Variants in ARL15 observed in about 807,000 individuals in gnomAD.
ARL15 encodes ADP-ribosylation factor-like protein 15.
In ARL15, 19 loss-of-function variants were observed where a neutral mutation model predicts 25.2. The observed-to-expected ratio is 0.75, with a 90% confidence interval of 0.53 to 1.10. ARL15 has a LOEUF of 1.10. Among genes scored for constraint, ARL15 ranks in the 50% least tolerant of loss-of-function variants. ARL15 has a pLI of 0.00. For synonymous variants in ARL15, 94 were observed against 86.8 expected (o/e 1.08, Z -0.46); for missense variants, 220 against 246.0 (o/e 0.89, Z 0.71).
intron 4 of ARL15, among the ~76,000 whole-genome samples, chr5:53,913,493 T>C (rs1203959497): frequency 1.3e-5 from 2 of 152,242 alleles, no homozygotes; most frequent in Non-Finnish European, 2.9e-5. Context: ...TTAACTGGAC[T>C]GAAGCCGAAA....
chr5:54,056,989 C>T (rs541856044), intron 4 of ARL15, among the ~76,000 whole-genome samples: 3 of 150,400 alleles, frequency 2.0e-5, no homozygotes, highest in African/African-American at 4.9e-5. Flanking sequence ...CATACACATA[C>T]GAACATAGAA....
chr5:54,199,594 A>G (rs1417836904), intron 1 of ARL15, among the ~76,000 whole-genome samples: 2 of 151,666 alleles, frequency 1.3e-5, no homozygotes, highest in East Asian at 3.9e-4. Context: ...CCACAATGAG[A>G]TATCATCTCA....
chr5:54,251,038 C>T (rs1757223335), intron 1 of ARL15, among the ~76,000 whole-genome samples: 1 of 152,122 alleles, frequency 6.6e-6, no homozygotes, highest in Non-Finnish European at 1.5e-5. Context: ...ATTGAATCAG[C>T]CTATCTTCCT....
At chr5:53,954,145 C>T (rs978723603) in intron 4 of ARL15, among the ~76,000 whole-genome samples, 1 of 151,086 alleles carries the variant, frequency 6.6e-6, no homozygotes, top group Admixed American at 6.6e-5. Context: ...TTCTTGCATT[C>T]CTCTAAGTGG....
At chr5:54,022,262 C>T (rs969157307) in intron 4 of ARL15, among the ~76,000 whole-genome samples, 2 of 151,956 alleles carry the variant, frequency 1.3e-5, no homozygotes, top group Non-Finnish European at 1.5e-5. Context: ...AAACAATGTC[C>T]CAAAGTATGG....
intron 4 of ARL15, among the ~76,000 whole-genome samples, chr5:54,021,452 T>G (rs1274797163): frequency 2.0e-5 from 3 of 152,172 alleles, no homozygotes; most frequent in Non-Finnish European, 4.4e-5. Flanking sequence ...ATATAAACTT[T>G]AGAACTAAAC....
At chr5:54,282,565 A>C in intron 1 of ARL15, 1 of 984,916 alleles carries the variant, frequency 1.0e-6, no homozygotes. Flanking sequence ...TTGTCCTCTA[A>C]TACAAGAGCA....
At chr5:54,055,913 G>A (rs921454870) in intron 4 of ARL15, among the ~76,000 whole-genome samples, 1 of 152,066 alleles carries the variant, frequency 6.6e-6, no homozygotes, top group African/African-American at 2.4e-5. Context: ...CTCCCCAGAC[G>A]CGGGGACAAA....
At chr5:54,015,099 C>T (rs1749375990) in intron 4 of ARL15, among the ~76,000 whole-genome samples, 1 of 151,824 alleles carries the variant, frequency 6.6e-6, no homozygotes, top group South Asian at 2.1e-4. Context: ...TCGAGACCAG[C>T]CTGCCCAACA....
intron 1 of ARL15, among the ~76,000 whole-genome samples, chr5:54,271,468 T>G (rs1757781137): frequency 6.6e-6 from 1 of 152,202 alleles, no homozygotes; most frequent in African/African-American, 2.4e-5. Context: ...GCTATGTAAA[T>G]AGTTACATTG....
chr5:54,175,494 C>T (rs1263017436), intron 1 of ARL15, among the ~76,000 whole-genome samples: 1 of 151,956 alleles, frequency 6.6e-6, no homozygotes, highest in African/African-American at 2.4e-5. Context: ...GCCACCACAC[C>T]CAGCTAATTT....
chr5:54,298,286 T>C (rs1270281079), intron 1 of ARL15, among the ~76,000 whole-genome samples: 2 of 152,098 alleles, frequency 1.3e-5, no homozygotes, highest in Admixed American at 1.3e-4. Context: ...CTACAAAGGC[T>C]ACACAAGGAA....
intron 4 of ARL15, among the ~76,000 whole-genome samples, chr5:53,978,731 A>G (rs150843262): frequency 7.2e-5 from 11 of 152,186 alleles, no homozygotes; most frequent in African/African-American, 2.4e-4. Context: ...GAATATATAT[A>G]TACACACACA....
At chr5:54,017,543 C>A (rs1287094513) in intron 4 of ARL15, among the ~76,000 whole-genome samples, 1 of 147,262 alleles carries the variant, frequency 6.8e-6, no homozygotes, top group Non-Finnish European at 1.5e-5. Context: ...CCAGAAGGAG[C>A]ATGTTCTGTC....
chr5:54,290,274 T>G (rs1431739513), intron 1 of ARL15, among the ~76,000 whole-genome samples: 1 of 152,064 alleles, frequency 6.6e-6, no homozygotes, highest in Non-Finnish European at 1.5e-5. Flanking sequence ...TAGTCTACAT[T>G]ATATAAGATT....
chr5:54,154,396 A>G, intron 3 of ARL15, 184 bp downstream of exon 3: 1 of 510,758 alleles, frequency 2.0e-6, no homozygotes, highest in East Asian at 3.7e-5. Flanking sequence ...TATGTTACTT[A>G]GAACTCTTCA....
At chr5:54,086,670 C>T (rs1265113973) in intron 4 of ARL15, among the ~76,000 whole-genome samples, 5 of 152,044 alleles carry the variant, frequency 3.3e-5, no homozygotes, top group African/African-American at 4.8e-5. Context: ...ATGAAACATA[C>T]ATGCTATAGC....
intron 1 of ARL15, among the ~76,000 whole-genome samples, chr5:54,197,633 C>G (rs1341350116): frequency 6.6e-6 from 1 of 152,098 alleles, no homozygotes; most frequent in African/African-American, 2.4e-5. Context: ...GCATAAGGAG[C>G]TGAAATTGTG....
chr5:53,996,723 G>T (rs967347400), intron 4 of ARL15, among the ~76,000 whole-genome samples: 13 of 151,832 alleles, frequency 8.6e-5, no homozygotes, highest in African/African-American at 3.1e-4. Context: ...CCTAAAAATA[G>T]GTTTCTGAGG....
Sources: allele counts gnomAD v4.1 joint callset (sites outside exome capture counted in the v4.1 genomes callset), GRCh38; gene constraint gnomAD v4.1.1; transcripts MANE v1.5; gene names NCBI Gene and HGNC (gene_info 2026-07-23, HGNC 2026-07-21).